The following EDNRB variants were observed in gnomAD, a reference collection of about 807,000 sequenced individuals.
The protein encoded by EDNRB is Hirschsprung disease 2.
Under a neutral mutation model 46.4 loss-of-function variants are expected in EDNRB, and 18 were observed. The ratio of observed to expected loss-of-function variants is 0.39; its 90% CI spans 0.27 to 0.57. The LOEUF (loss-of-function observed/expected upper bound fraction) is 0.57. Ranked by LOEUF, EDNRB falls within the 20% of genes least tolerant of loss-of-function variation. EDNRB has a pLI of 0.61. For missense variants in EDNRB, 434 were observed against 537.5 expected (o/e 0.81, Z 1.90); for synonymous variants, 213 against 204.9 (o/e 1.04, Z -0.34).
chr13:77,922,180 C>A (rs998096901), upstream of EDNRB, among the ~76,000 whole-genome samples: 1 of 150,598 alleles, frequency 6.6e-6, no homozygotes, highest in Non-Finnish European at 1.5e-5. Context: ...TTATTTTAAA[C>A]GTTTATGAAG....
chr13:77,908,545 A>G (rs535894063), intron 1 of EDNRB, among the ~76,000 whole-genome samples: 6 of 152,090 alleles, frequency 3.9e-5, no homozygotes, highest in Admixed American at 3.3e-4. Flanking sequence ...ATTCTTTGGG[A>G]AAAATAACAA....
chr13:77,945,322 T>G (rs763954438), intron 1 of EDNRB, among the ~76,000 whole-genome samples: 1 of 152,190 alleles, frequency 6.6e-6, no homozygotes, highest in Admixed American at 6.5e-5. Context: ...TCTTTTTGAT[T>G]GAACAAATAA....
At chr13:77,962,714 G>A (rs1057146794) in intron 1 of EDNRB, among the ~76,000 whole-genome samples, 19 of 152,186 alleles carry the variant, frequency 1.2e-4, no homozygotes, top group African/African-American at 4.6e-4. Context: ...ACTGGCACAA[G>A]AAAGGGATGC....
At chr13:77,945,942 C>T (rs555622666) in intron 1 of EDNRB, among the ~76,000 whole-genome samples, 21 of 149,296 alleles carry the variant, frequency 1.4e-4, no homozygotes, top group African/African-American at 5.2e-4. Context: ...CTGAATCAGA[C>T]TCAGATGTGA....
At chr13:77,958,640 C>T (rs1455204995) in intron 1 of EDNRB, among the ~76,000 whole-genome samples, 1 of 152,162 alleles carries the variant, frequency 6.6e-6, no homozygotes, top group African/African-American at 2.4e-5. Context: ...TCCCAAAGTG[C>T]TGGGATTACA....
intron 1 of EDNRB, among the ~76,000 whole-genome samples, chr13:77,938,486 G>C (rs1235634823): frequency 6.6e-6 from 1 of 152,006 alleles, no homozygotes; most frequent in Non-Finnish European, 1.5e-5. Flanking sequence ...AAGGAGAAGG[G>C]GTTGGGGGGT....
intron 1 of EDNRB, among the ~76,000 whole-genome samples, chr13:77,959,802 C>T (rs997349753): frequency 6.6e-6 from 1 of 152,094 alleles, no homozygotes; most frequent in African/African-American, 2.4e-5. Context: ...AAAGATTAGA[C>T]AAATGGCTAA....
At chr13:77,962,443 G>T (rs1031747063) in intron 1 of EDNRB, among the ~76,000 whole-genome samples, 3 of 151,610 alleles carry the variant, frequency 2.0e-5, no homozygotes, top group Non-Finnish European at 3.0e-5. Flanking sequence ...ATGATCAAGT[G>T]GGCTTCATCC....
chr13:77,922,978 A>C (rs1880128495), upstream of EDNRB, among the ~76,000 whole-genome samples: 1 of 152,206 alleles, frequency 6.6e-6, no homozygotes, highest in African/African-American at 2.4e-5. Flanking sequence ...TATAACTAAA[A>C]TGTCACTCAT....
chr13:77,936,012 C>A (rs147660478), intron 1 of EDNRB, among the ~76,000 whole-genome samples: 2 of 152,128 alleles, frequency 1.3e-5, no homozygotes, highest in African/African-American at 4.8e-5. Context: ...AAAGGCCATG[C>A]TATAACAGGT....
chr13:77,974,501 ATCAATTATAGGTT>A, intron 1 of EDNRB, among the ~76,000 whole-genome samples: 1 of 152,288 alleles, frequency 6.6e-6, no homozygotes, highest in South Asian at 2.1e-4. Context: ...ACCTTCAATT[ATCAATTATAGGTT>A]TCAAATTTAC....
intron 1 of EDNRB, among the ~76,000 whole-genome samples, chr13:77,960,896 A>C (rs1389948120): frequency 2.0e-5 from 3 of 151,136 alleles, no homozygotes; most frequent in Admixed American, 6.6e-5. Context: ...TTGCAATCCT[A>C]GTCTCTGATA....
At chr13:77,969,708 A>G (rs576088810) in intron 1 of EDNRB, among the ~76,000 whole-genome samples, 1 of 152,286 alleles carries the variant, frequency 6.6e-6, no homozygotes, top group East Asian at 1.9e-4. Flanking sequence ...TTTATTCAGT[A>G]GGGATAATGT....
At chr13:77,972,608 A>T (rs1355616496) in intron 1 of EDNRB, among the ~76,000 whole-genome samples, 1 of 152,174 alleles carries the variant, frequency 6.6e-6, no homozygotes, top group Non-Finnish European at 1.5e-5. Context: ...TGCCCAGTCT[A>T]AAGAGAGTCA....
At chr13:77,904,931 G>T (rs1041200504) in intron 1 of EDNRB, among the ~76,000 whole-genome samples, 1 of 151,946 alleles carries the variant, frequency 6.6e-6, no homozygotes, top group Non-Finnish European at 1.5e-5. Context: ...AAGCTGAGTT[G>T]ATTGTTCTAT....
intron 1 of EDNRB, among the ~76,000 whole-genome samples, chr13:77,971,932 A>G (rs1313240916): frequency 6.6e-6 from 1 of 152,184 alleles, no homozygotes. Context: ...GATCCACCAC[A>G]ATACCACCAC....
chr13:77,919,744 G>T (rs1258235211), upstream of EDNRB: 20 of 855,156 alleles, frequency 2.3e-5, no homozygotes, highest in Non-Finnish European at 1.8e-6. Flanking sequence ...GTCCTCGTCC[G>T]GGGACAGGTC....
upstream of EDNRB, chr13:77,919,095 G>GCGCCTTCCGACCCC: frequency 2.0e-6 from 1 of 494,552 alleles, no homozygotes; most frequent in Non-Finnish European, 3.3e-6. Context: ...GACTCCTCCC[G>GCGCCTTCCGACCCC]GCGGATGAAA....
chr13:77,957,850 A>C (rs1881285633), intron 1 of EDNRB, among the ~76,000 whole-genome samples: 1 of 152,200 alleles, frequency 6.6e-6, no homozygotes, highest in Admixed American at 6.5e-5. Flanking sequence ...AGTGATTAGG[A>C]ATATCTATTT....
Sources: gnomAD v4.1 joint callset for allele counts (sites outside exome capture counted in the v4.1 genomes callset) on GRCh38, gnomAD v4.1.1 for gene constraint, MANE v1.5 for transcripts, NCBI Gene and HGNC (gene_info 2026-07-23, HGNC 2026-07-21) for gene names.